Variants in VPS54 observed in about 807,000 individuals in gnomAD.
VPS54 encodes the protein vacuolar protein sorting-associated protein 54.
VPS54 carries 45 observed loss-of-function variants against 121.5 expected under a neutral mutation model. The ratio of observed to expected loss-of-function variants is 0.37; its 90% CI spans 0.29 to 0.47. The LOEUF (loss-of-function observed/expected upper bound fraction) is 0.47, where lower values mean the gene tolerates loss of function less well. Ranked by LOEUF, VPS54 falls within the 20% of genes least tolerant of loss-of-function variation. The probability of loss-of-function intolerance (pLI) is 0.99; values close to 1 mark genes in which losing one functional copy is unlikely to be tolerated. For synonymous variants in VPS54, 371 were observed against 385.8 expected (o/e 0.96, Z 0.45); for missense variants, 1,090 against 1,131.4 (o/e 0.96, Z 0.52).
At chr2:63,987,935 T>G (rs772363380) in intron 1 of VPS54, among the ~76,000 whole-genome samples, 3 of 152,222 alleles carry the variant, frequency 2.0e-5, no homozygotes, top group African/African-American at 2.4e-5. Context: ...TTCTTTAGGT[T>G]TATCCAAACA....
intron 9 of VPS54, among the ~76,000 whole-genome samples, chr2:63,946,639 T>C (rs956013429): frequency 6.6e-6 from 1 of 152,094 alleles, no homozygotes; most frequent in Non-Finnish European, 1.5e-5. Flanking sequence ...TAAAATCATA[T>C]TATCTTTTTC....
intron 1 of VPS54, among the ~76,000 whole-genome samples, chr2:64,009,476 C>T (rs968341614): frequency 8.5e-5 from 13 of 152,124 alleles, no homozygotes; most frequent in African/African-American, 2.2e-4. Context: ...GCACCACACC[C>T]GGCTAATCTT....
intron 22 of VPS54, 122 bp from the exon 23 acceptor site, chr2:63,893,657 G>A: frequency 2.6e-6 from 2 of 776,120 alleles, no homozygotes; most frequent in South Asian, 3.8e-5. Flanking sequence ...GTGCCCAAGT[G>A]TCCAAATACT....
At chr2:63,948,414 G>GTTTTTTT (rs560700373) in intron 8 of VPS54, among the ~76,000 whole-genome samples, 3 of 106,128 alleles carry the variant, frequency 2.8e-5, no homozygotes, top group African/African-American at 3.9e-5. Flanking sequence ...CACTTTTTCG[G>GTTTTTTT]TTTTTTTTTT....
chr2:63,947,981 C>A (rs1405431034), intron 8 of VPS54, among the ~76,000 whole-genome samples: 1 of 152,070 alleles, frequency 6.6e-6, no homozygotes, highest in Non-Finnish European at 1.5e-5. Flanking sequence ...GGACTAGAGG[C>A]ATGCACCACC....
At chr2:63,948,904 G>A in intron 8 of VPS54, 133 bp downstream of exon 8, 1 of 1,015,358 alleles carries the variant, frequency 9.8e-7, no homozygotes, top group Non-Finnish European at 1.4e-6. Flanking sequence ...CACATAGCTA[G>A]TGAAGGACTT....
At position 63,972,323 on chromosome 2, in the gene VPS54, T is replaced by C. The variant is rs146521445; in HGVS notation, c.379-79A>G. ...AGCATGAAAGTGTTTTGCAACAGAATATCAGAATATGCCAAATTAGTCCTA... is the reference window on the plus strand; with the variant it reads ...AGCATGAAAGTGTTTTGCAACAGAACATCAGAATATGCCAAATTAGTCCTA... On this transcript the variant is annotated intron_variant, in intron 3 of 22. Transcript: ENST00000272322. 165 of 1,058,100 alleles carry C rather than the reference T, an allele frequency of 1.6e-4. No homozygotes were observed. The African/African-American group carries it at 2.2e-3, about 14-fold the overall frequency. 65.5% of individuals were successfully genotyped at this position (1,058,100 alleles called of 1,614,324 possible).
At chr2:63,973,815 G>A (rs760312702) in intron 3 of VPS54, among the ~76,000 whole-genome samples, 16 of 152,148 alleles carry the variant, frequency 1.1e-4, no homozygotes, top group Non-Finnish European at 2.1e-4. Flanking sequence ...AAAGTGCTGG[G>A]ATTACAAGGT....
At chr2:63,962,813 C>T (rs1044959434) in intron 6 of VPS54, among the ~76,000 whole-genome samples, 3 of 152,144 alleles carry the variant, frequency 2.0e-5, no homozygotes, top group Admixed American at 6.5e-5. Flanking sequence ...CCCCCAATAT[C>T]ATTGCACATC....
At chr2:63,963,837 G>C (rs913802506) in intron 6 of VPS54, among the ~76,000 whole-genome samples, 2 of 152,134 alleles carry the variant, frequency 1.3e-5, no homozygotes, top group Non-Finnish European at 2.9e-5. Flanking sequence ...CTTTAGGACA[G>C]TGCTACCCAG....
rs948665290 is a variant in VPS54 at position 63,957,218 on chromosome 2, G to A, written c.1010+4840C>T. Among the ~76,000 whole-genome samples the A allele has an allele frequency of 6.6e-5, 10 of 151,972 alleles. No individual in the cohort carries two copies. In the South Asian group the frequency reaches 8.3e-4, roughly 13 times the overall value. ...AGCACTTTGGGAGGCCAAGGCGGGC[G>A]GATCACGAGGTCAGGAGATCGAGGC... On this transcript the variant is annotated intron_variant, in intron 7 of 22. Coordinates refer to ENST00000272322, the MANE Select transcript of VPS54 (RefSeq NM_016516.3).
At chr2:63,925,481 TG>T (rs1248262313) in intron 12 of VPS54, among the ~76,000 whole-genome samples, 1 of 152,234 alleles carries the variant, frequency 6.6e-6, no homozygotes, top group African/African-American at 2.4e-5. Context: ...TTAGCTAAAT[TG>T]ACCATTCACA....
At chr2:63,930,081 G>A (rs761033750) in intron 12 of VPS54, among the ~76,000 whole-genome samples, 1 of 150,578 alleles carries the variant, frequency 6.6e-6, no homozygotes, top group African/African-American at 2.5e-5. Flanking sequence ...TTCTACCAGA[G>A]GTACGAGGAA....
intron 2 of VPS54, 21 bp downstream of exon 2, chr2:63,983,843 T>C: frequency 6.4e-7 from 1 of 1,571,668 alleles, no homozygotes; most frequent in Non-Finnish European, 8.6e-7. Context: ...GTAAAAATCC[T>C]ACAAAAAAAA....
At chr2:63,921,881 CTA>C (rs1673663379) in intron 12 of VPS54, among the ~76,000 whole-genome samples, 1 of 152,198 alleles carries the variant, frequency 6.6e-6, no homozygotes, top group Non-Finnish European at 1.5e-5. Flanking sequence ...TCTGCAGAAA[CTA>C]TAGCAAAATT....
chr2:63,977,690 C>T (rs558004941), intron 3 of VPS54, among the ~76,000 whole-genome samples: 27 of 152,292 alleles, frequency 1.8e-4, no homozygotes, highest in African/African-American at 6.0e-4. Flanking sequence ...ACATCACAAC[C>T]GCATCTGAGT....
At chr2:63,947,048 T>C (rs1351145839) in intron 9 of VPS54, among the ~76,000 whole-genome samples, 1 of 151,854 alleles carries the variant, frequency 6.6e-6, no homozygotes, top group Admixed American at 6.6e-5. Flanking sequence ...TTTAACATAA[T>C]GTTAATGGGA....
At position 64,003,133 on chromosome 2, in the gene VPS54, G is replaced by A. The variant is rs535239016; in HGVS notation, c.-21+15805C>T. ...AAACCTTAAGAAGGTTTCAGGATAA[G>A]CAATGATAGTTTGTCTACTCAGAAA... is the stretch of plus-strand genomic sequence containing the variant. On this transcript the variant is annotated intron_variant, in intron 1 of 22. Coordinates refer to ENST00000272322, the MANE Select transcript of VPS54 (RefSeq NM_016516.3). Among the ~76,000 whole-genome samples, 7 of 152,188 alleles carry A rather than the reference G, an allele frequency of 4.6e-5. No homozygotes were observed. In the East Asian group the frequency reaches 1.2e-3, roughly 25 times the overall value.
At chr2:63,997,758 G>C (rs950296208) in intron 1 of VPS54, among the ~76,000 whole-genome samples, 2 of 151,546 alleles carry the variant, frequency 1.3e-5, no homozygotes, top group Non-Finnish European at 2.9e-5. Context: ...GCTTGCTCTT[G>C]CTTTTCCCTT....
Sources: allele counts gnomAD v4.1 joint callset (sites outside exome capture counted in the v4.1 genomes callset), GRCh38; gene constraint gnomAD v4.1.1; transcripts MANE v1.5; gene names NCBI Gene and HGNC (gene_info 2026-07-23, HGNC 2026-07-21).